ABCA13: variants seen among roughly 807,000 people sequenced by gnomAD.
The protein encoded by ABCA13 is ATP-binding cassette sub-family A member 13.
A neutral mutation model predicts 478.7 loss-of-function variants in ABCA13; 476 were observed. That is an observed-to-expected ratio of 0.99 (90% CI 0.92 to 1.07). ABCA13 has a LOEUF of 1.07. Among genes scored for constraint, ABCA13 ranks in the 50% least tolerant of loss-of-function variants. ABCA13 has a pLI of 0.00. For synonymous variants in ABCA13, 2,252 were observed against 2,158.9 expected, an observed-to-expected ratio of 1.04 and a Z score of -1.20; for missense variants, 6,060 against 5,910.6, an observed-to-expected ratio of 1.03 and a Z score of -0.83.
intron 41 of ABCA13, among the ~76,000 whole-genome samples, chr7:48,420,339 T>C (rs1820577300): frequency 6.6e-6 from 1 of 152,194 alleles, no homozygotes; most frequent in Non-Finnish European, 1.5e-5. Flanking sequence ...CTCCAATGCT[T>C]GGACCTAAGG....
rs1157829379 is a variant in ABCA13 at position 48,241,022 on chromosome 7, C to A, written c.1218C>A (p.Ser406Arg). ...CTGCACTGCTCCTGCTGAATGACAG[C>A]TTGTCAGCAGATGGCCCAAAAGATA... The part of the protein sequence containing the change: ...LHTALLLLND[S>R]LSADGPKDNH... The change falls in exon 10 of 62, where the codon AGC (serine) becomes AGA (arginine). Residue 406 changes from serine (S) to arginine (R), a missense_variant. This residue lies in a region of ABCA13 where 4,423 missense variants were observed against 4,309.1 expected (regional missense o/e 1.03). Transcript: ENST00000435803. The A allele has an allele frequency of 6.2e-7, 1 of 1,614,054 alleles. No individual in the cohort carries two copies. Among genetic ancestry groups the A allele is most frequent in the South Asian group, 1.1e-5 (1 of 91,086 alleles).
chr7:48,640,816 G>A (rs565916442), intron 59 of ABCA13, among the ~76,000 whole-genome samples: 1 of 152,194 alleles, frequency 6.6e-6, no homozygotes, highest in South Asian at 2.1e-4. Context: ...CTAAATTGTT[G>A]AAGGTGCCAT....
intron 55 of ABCA13, among the ~76,000 whole-genome samples, chr7:48,575,380 C>G (rs1788066237): frequency 6.6e-6 from 1 of 152,190 alleles, no homozygotes; most frequent in Admixed American, 6.5e-5. Context: ...TGGAAACTTT[C>G]ATGATAAATG....
chr7:48,337,226 G>C lies in ABCA13; in HGVS notation c.10114-1139G>C, dbSNP rs559178886. ...CCTGGTTCTGCCACTAGATGGAGTG[G>C]TTAGAGTCTCTGAGGAAAGCCCTAA... is the stretch of plus-strand genomic sequence containing the variant. On this transcript the variant is annotated intron_variant, in intron 28 of 61. Transcript: ENST00000435803. 3.9e-5 allele frequency among the ~76,000 whole-genome samples: 6 copies of C among 152,260 alleles called. No homozygotes were observed. In the East Asian group the frequency reaches 9.6e-4, roughly 24 times the overall value.
chr7:48,471,377 G>T (rs760380819), intron 44 of ABCA13, among the ~76,000 whole-genome samples, 153 bp from the exon 45 acceptor site: 6 of 152,246 alleles, frequency 3.9e-5, no homozygotes, highest in African/African-American at 4.8e-5. Flanking sequence ...AACAGCTCAA[G>T]CTGTGAAAAC....
In ABCA13 at chr7:48,387,871, T is replaced by C; in HGVS notation, c.11385T>C (p.Tyr3795=). 3 of 1,612,194 alleles carry C rather than the reference T, an allele frequency of 1.9e-6. No individual in the cohort carries two copies. The highest frequency in any genetic ancestry group is 8.5e-7 in the Non-Finnish European group (1 of 1,179,208). The stretch of plus-strand genomic sequence containing the variant: ...GGTATTTCCCCTTTACTGCCTCATA[T>C]TGGAAGAGTGTGGGTTTCTTGGTGG... ...KPWYFPFTAS[Y]WKSVGFLVEK... Residue 3795 remains tyrosine, a synonymous_variant, in exon 36 of 62, where the codon TAT becomes TAC. Coordinates refer to ENST00000435803, the MANE Select transcript of ABCA13 (RefSeq NM_152701.5).
chr7:48,511,041 A>G (rs1359218690), intron 50 of ABCA13, 43 bp from the exon 51 acceptor site: 2 of 1,448,000 alleles, frequency 1.4e-6, no homozygotes, highest in South Asian at 1.1e-5. Context: ...AAATATGACC[A>G]TCTGATGTAA....
rs763650824 is a variant in ABCA13 at position 48,249,285 on chromosome 7, A to G, written c.1939A>G (p.Ile647Val). 4.3e-6 allele frequency: 7 copies of G among 1,613,372 alleles called. No homozygotes were observed. Among genetic ancestry groups the G allele is most frequent in the African/African-American group, 4.0e-5 (3 of 74,908 alleles). ...AYYWKAFKKF[I>V]RKTCEVAQYV... ...TTATTGGAAAGCCTTCAAAAAGTTT[A>G]TCAGGAAGACTTGCGAAGTGGCCCA... Residue 647 changes from isoleucine to valine, a missense_variant, in exon 15 of 62, where the codon ATC (isoleucine) becomes GTC (valine). By Grantham distance (29) the Ile-to-Val change is conservative. This residue lies in a region of ABCA13 where 4,423 missense variants were observed against 4,309.1 expected (regional missense o/e 1.03). Coordinates refer to ENST00000435803, the MANE Select transcript of ABCA13 (RefSeq NM_152701.5).
At chr7:48,266,217 A>G (rs932798433) in intron 15 of ABCA13, among the ~76,000 whole-genome samples, 1 of 151,656 alleles carries the variant, frequency 6.6e-6, no homozygotes, top group African/African-American at 2.4e-5. Context: ...TATGAGGGGC[A>G]GTGGTCTTTA....
intron 55 of ABCA13, among the ~76,000 whole-genome samples, chr7:48,555,333 T>A (rs541118855): frequency 6.6e-6 from 1 of 152,042 alleles, no homozygotes; most frequent in African/African-American, 2.4e-5. Flanking sequence ...ATTAAGGTAA[T>A]ACTGGCCTCA....
At chr7:48,630,478 C>A (rs1794073877) in intron 59 of ABCA13, among the ~76,000 whole-genome samples, 2 of 152,168 alleles carry the variant, frequency 1.3e-5, no homozygotes, top group African/African-American at 4.8e-5. Context: ...CATGTTGCTG[C>A]AGAAGACACG....
intron 31 of ABCA13, among the ~76,000 whole-genome samples, chr7:48,364,307 T>A (rs531998490): frequency 1.3e-5 from 2 of 152,308 alleles, no homozygotes; most frequent in East Asian, 3.9e-4. Context: ...ACACAGTAGT[T>A]GTTCATATTC....
chr7:48,502,572 G>C (rs1217912057), intron 48 of ABCA13, among the ~76,000 whole-genome samples: 1 of 152,112 alleles, frequency 6.6e-6, no homozygotes, highest in East Asian at 1.9e-4. Context: ...CCACTGTATG[G>C]CTATAGTCTT....
chr7:48,396,769 C>T (rs549784279), intron 38 of ABCA13, among the ~76,000 whole-genome samples: 212 of 152,272 alleles, frequency 1.4e-3, no homozygotes, highest in African/African-American at 5.0e-3. Context: ...ACTCTCGGAA[C>T]TTGGCAGGCA....
At chr7:48,562,573 GA>G (rs1197847085) in intron 55 of ABCA13, among the ~76,000 whole-genome samples, 1 of 151,912 alleles carries the variant, frequency 6.6e-6, no homozygotes, top group Non-Finnish European at 1.5e-5. Flanking sequence ...CAGGGCCAGT[GA>G]AAAAAATAGA....
Position 48,372,459 on chromosome 7 carries a change from C to G in ABCA13, c.11095C>G (p.Leu3699Val), listed in dbSNP as rs1384036945. 6.3e-7 allele frequency: 1 copy of G among 1,575,066 alleles called. No individual in the cohort carries two copies. ...SFLPYIVLLV[L>V]HNQLSFVNQT... ...TCTGCCCTACATAGTTCTATTGGTT[C>G]TACATAACCAATTAAGTTTTGTTAA... is the stretch of plus-strand genomic sequence containing the variant. Residue 3699 changes from leucine to valine, a missense_variant, in exon 33 of 62, where the codon CTA becomes GTA. Transcript: ENST00000435803.
intron 32 of ABCA13, 90 bp downstream of exon 32, chr7:48,367,998 C>G (rs2129016547): frequency 2.1e-6 from 2 of 941,898 alleles, no homozygotes; most frequent in South Asian, 3.6e-5. Context: ...ACCTGAGCCT[C>G]TCTGTTTTGC....
chr7:48,196,168 G>C (rs36180748), intron 2 of ABCA13, among the ~76,000 whole-genome samples: 108,923 of 152,072 alleles, frequency 0.72, 39,684 homozygotes, highest in Non-Finnish European at 0.8. Flanking sequence ...CACTGTGGTA[G>C]TAGCTCAGTC....
At chr7:48,592,867 G>A (rs2131425983) in intron 57 of ABCA13, among the ~76,000 whole-genome samples, 1 of 151,622 alleles carries the variant, frequency 6.6e-6, no homozygotes, top group South Asian at 2.1e-4. Context: ...AGCATATTTT[G>A]TGTGACATAA....
Sources: allele counts gnomAD v4.1 joint callset (sites outside exome capture counted in the v4.1 genomes callset), GRCh38; gene constraint gnomAD v4.1.1; regional missense constraint gnomAD v4.1.1; transcripts MANE v1.5; gene names NCBI Gene and HGNC (gene_info 2026-07-23, HGNC 2026-07-21).